The following DENND1A variants were observed in gnomAD, a reference collection of about 807,000 sequenced individuals.
DENND1A encodes the protein DENN domain containing 1A, also known as DENN domain-containing protein 1A.
DENND1A carries 51 observed loss-of-function variants against 113.7 expected under a neutral mutation model. The ratio of observed to expected loss-of-function variants is 0.45; its 90% CI spans 0.36 to 0.57. DENND1A has a LOEUF of 0.57. DENND1A is among the 20% of genes least tolerant of loss of function. The probability of loss-of-function intolerance (pLI) is 0.00; values close to 1 mark genes in which losing one functional copy is unlikely to be tolerated. For missense variants in DENND1A, 1,258 were observed against 1,395.9 expected (o/e 0.90, Z 1.57); for synonymous variants, 565 against 570.8 (o/e 0.99, Z 0.14).
chr9:123,692,545 C>A (rs932612998), intron 5 of DENND1A, among the ~76,000 whole-genome samples: 1 of 152,214 alleles, frequency 6.6e-6, no homozygotes, highest in Admixed American at 6.5e-5. Flanking sequence ...ATGACTCTTT[C>A]CGAGCTAACA....
chr9:123,717,776 A>G (rs1166258082), intron 5 of DENND1A, among the ~76,000 whole-genome samples: 1 of 152,212 alleles, frequency 6.6e-6, no homozygotes. Context: ...ATTTCCTCAC[A>G]GACTTTGCCA....
At chr9:123,435,660 A>G (rs2046464389) in intron 19 of DENND1A, among the ~76,000 whole-genome samples, 1 of 152,190 alleles carries the variant, frequency 6.6e-6, no homozygotes, top group South Asian at 2.1e-4. Flanking sequence ...GTTTGCTGTG[A>G]TATTCTCAGG....
rs115528381 is a variant in DENND1A at position 123,770,417 on chromosome 9, A to G, written c.133-854T>C. Among the ~76,000 whole-genome samples the G allele has an allele frequency of 2.4e-3, 365 of 152,336 alleles. 2 individuals carry two copies. The highest frequency in any genetic ancestry group is 8.5e-3 in the African/African-American group (355 of 41,580). On this transcript the variant is annotated intron_variant, in intron 3 of 23. Transcript: ENST00000394215. ...AGAAAAAAACAGTACATGACACACA[A>G]TAAACAGTGGTGTATAACTTTCCCT...
chr9:123,613,658 C>A (rs111892719), intron 10 of DENND1A, among the ~76,000 whole-genome samples: 1 of 152,156 alleles, frequency 6.6e-6, no homozygotes, highest in African/African-American at 2.4e-5. Flanking sequence ...ACATTTTAAA[C>A]GGCAATTAAA....
intron 11 of DENND1A, among the ~76,000 whole-genome samples, chr9:123,587,950 C>G (rs550921923): frequency 3.9e-5 from 6 of 152,248 alleles, no homozygotes; most frequent in African/African-American, 1.4e-4. Context: ...TCAGAGACTG[C>G]TTTCTCTTAC....
chr9:123,758,401 T>A (rs2070755839), intron 4 of DENND1A, among the ~76,000 whole-genome samples: 2 of 152,202 alleles, frequency 1.3e-5, no homozygotes, highest in South Asian at 4.1e-4. Context: ...CCATGGAATT[T>A]AGAGGATGTT....
At chr9:123,522,037 C>G (rs2135048098) in intron 13 of DENND1A, among the ~76,000 whole-genome samples, 1 of 152,296 alleles carries the variant, frequency 6.6e-6, no homozygotes, top group Non-Finnish European at 1.5e-5. Context: ...TCTCAGTACA[C>G]AATGAATGGG....
chr9:123,821,823 T>G (rs1838526466), intron 2 of DENND1A, among the ~76,000 whole-genome samples: 1 of 152,196 alleles, frequency 6.6e-6, no homozygotes. Context: ...GACACAATAA[T>G]GCAGCAGCAA....
chr9:123,480,256 C>T (rs551055312), intron 13 of DENND1A, among the ~76,000 whole-genome samples: 3 of 152,228 alleles, frequency 2.0e-5, no homozygotes, highest in South Asian at 2.1e-4. Context: ...TCGACACTCC[C>T]GAGAGACCTC....
intron 10 of DENND1A, among the ~76,000 whole-genome samples, chr9:123,619,073 A>C (rs967710296): frequency 1.4e-4 from 22 of 152,202 alleles, no homozygotes; most frequent in African/African-American, 5.3e-4. Context: ...TCAGCCTCAG[A>C]GTAGCTGGGA....
At position 123,403,707 on chromosome 9, in the gene DENND1A, G is replaced by A. The variant is rs2043697039; in HGVS notation, c.1543-217C>T. The A allele has an allele frequency of 5.3e-6, 3 of 561,274 alleles. No homozygotes were observed. The East Asian group carries it at 9.1e-5, about 17-fold the overall frequency. 34.8% of individuals were successfully genotyped at this position (561,274 alleles called of 1,614,324 possible). ...ATTCTGTGGCCTATTCAAATCAGAA[G>A]GGTGCTCCTGGAAAGCTCGGTTTCT... is the stretch of plus-strand genomic sequence containing the variant. On this transcript the variant is annotated intron_variant, in intron 20 of 23. Coordinates refer to ENST00000394215, the MANE Select transcript of DENND1A (RefSeq NM_001352964.2).
chr9:123,709,102 G>A (rs1424275368), intron 5 of DENND1A, among the ~76,000 whole-genome samples: 1 of 152,116 alleles, frequency 6.6e-6, no homozygotes, highest in Non-Finnish European at 1.5e-5. Flanking sequence ...GACTGAAAGT[G>A]GTCAAGTCTG....
Position 123,382,578 on chromosome 9 carries a change from GGCCA to G in DENND1A, c.2063_2066del (p.Val688AlafsTer2), listed in dbSNP as rs1564394195. 6.2e-7 allele frequency: 1 copy of G among 1,614,144 alleles called. No homozygotes were observed. Among genetic ancestry groups the G allele is most frequent in the Non-Finnish European group, 8.5e-7 (1 of 1,180,036 alleles). On this transcript the variant is annotated frameshift_variant, in exon 24 of 24. Coordinates refer to ENST00000394215, the MANE Select transcript of DENND1A (RefSeq NM_001352964.2). LOFTEE classifies it high-confidence loss of function. ...TGTTGTACGGGTGGGTAAGCTTCAAGGCCACTGTCACCCCGCGGCTCCTCTCACT... is the reference window on the plus strand; with the variant it reads ...TGTTGTACGGGTGGGTAAGCTTCAAGCTGTCACCCCGCGGCTCCTCTCACT...
intron 2 of DENND1A, among the ~76,000 whole-genome samples, chr9:123,863,968 A>G (rs1415780265): frequency 6.6e-6 from 1 of 151,582 alleles, no homozygotes; most frequent in Non-Finnish European, 1.5e-5. Flanking sequence ...ATATATTAAC[A>G]AAACTCCATA....
intron 11 of DENND1A, among the ~76,000 whole-genome samples, chr9:123,605,753 A>G (rs1393658583): frequency 2.0e-5 from 3 of 152,250 alleles, no homozygotes; most frequent in Non-Finnish European, 4.4e-5. Context: ...TTTTAAAAAT[A>G]ACAATGCAAG....
intron 4 of DENND1A, among the ~76,000 whole-genome samples, chr9:123,767,914 TCA>T (rs1439374016): frequency 6.6e-6 from 1 of 152,218 alleles, no homozygotes; most frequent in Admixed American, 6.5e-5. Flanking sequence ...ATAAAACATT[TCA>T]GTTTTATTAC....
chr9:123,711,518 T>TATATATATATATATATAC (rs2066622329), intron 5 of DENND1A, among the ~76,000 whole-genome samples: 1 of 85,970 alleles, frequency 1.2e-5, no homozygotes, highest in Non-Finnish European at 2.1e-5. Flanking sequence ...TATATGTATA[T>TATATATATATATATATAC]ATATATATAT....
intron 13 of DENND1A, among the ~76,000 whole-genome samples, chr9:123,528,826 A>G (rs142091683): frequency 0.019 from 2,946 of 152,304 alleles, 64 homozygotes; most frequent in Non-Finnish European, 0.025. Flanking sequence ...GACACACTTC[A>G]TAGTCCAGCC....
chr9:123,911,415 G>T (rs1015462081), intron 1 of DENND1A, among the ~76,000 whole-genome samples: 2 of 152,018 alleles, frequency 1.3e-5, no homozygotes, highest in Admixed American at 1.3e-4. Flanking sequence ...TCCAATCCTG[G>T]GTATAAACCT....
Sources: gnomAD v4.1 joint callset for allele counts (sites outside exome capture counted in the v4.1 genomes callset) on GRCh38, gnomAD v4.1.1 for gene constraint, MANE v1.5 for transcripts, NCBI Gene and HGNC (gene_info 2026-07-23, HGNC 2026-07-21) for gene names.